Variants in SMG6 observed in about 807,000 individuals in gnomAD.
SMG6 encodes telomerase-binding protein EST1A.
SMG6 carries 66 observed loss-of-function variants against 142.2 expected under a neutral mutation model. That is an observed-to-expected ratio of 0.46 (90% CI 0.38 to 0.57). SMG6 has a LOEUF of 0.57. SMG6 is among the 20% of genes least tolerant of loss of function. The pLI, the probability that SMG6 is intolerant of heterozygous loss-of-function variation, is 0.00. For synonymous variants in SMG6, 779 were observed against 702.4 expected (o/e 1.11, Z -1.72); for missense variants, 1,793 against 1,832.0 (o/e 0.98, Z 0.39).
chr17:2,263,070 G>A (rs1490218773), intron 8 of SMG6, among the ~76,000 whole-genome samples: 2 of 152,036 alleles, frequency 1.3e-5, no homozygotes, highest in Non-Finnish European at 2.9e-5. Flanking sequence ...AGATAAAGAG[G>A]TCACCAAACA....
chr17:2,104,966 G>C (rs530171679), intron 13 of SMG6, among the ~76,000 whole-genome samples: 1 of 152,052 alleles, frequency 6.6e-6, no homozygotes, highest in South Asian at 2.1e-4. Flanking sequence ...TGCCCAGGCT[G>C]AGTGCAATGG....
intron 13 of SMG6, among the ~76,000 whole-genome samples, chr17:2,098,625 C>T (rs1314668509): frequency 6.6e-6 from 1 of 152,088 alleles, no homozygotes; most frequent in Non-Finnish European, 1.5e-5. Flanking sequence ...GTTTATGTTA[C>T]ATACTTTTTG....
chr17:2,209,244 C>T (rs1323848461), intron 10 of SMG6, among the ~76,000 whole-genome samples: 1 of 152,140 alleles, frequency 6.6e-6, no homozygotes, highest in Non-Finnish European at 1.5e-5. Flanking sequence ...TGGAGTCTCC[C>T]CTCTACTGCC....
intron 13 of SMG6, among the ~76,000 whole-genome samples, chr17:2,098,482 C>CT (rs916632167): frequency 6.6e-6 from 1 of 152,170 alleles, no homozygotes. Flanking sequence ...GTGTGGCTGA[C>CT]TTTTTGGACC....
chr17:2,254,892 T>A (rs984570971), intron 8 of SMG6, among the ~76,000 whole-genome samples: 1 of 152,122 alleles, frequency 6.6e-6, no homozygotes, highest in Admixed American at 6.6e-5. Flanking sequence ...AGAGATATCC[T>A]CTCAGAGGAA....
At chr17:2,062,979 G>A (rs1241020074) in intron 18 of SMG6, 7 of 152,706 alleles carry the variant, frequency 4.6e-5, no homozygotes, top group Admixed American at 3.9e-4. Flanking sequence ...CCTCGGGTGA[G>A]GGGATACTCA....
intron 10 of SMG6, among the ~76,000 whole-genome samples, chr17:2,194,612 C>T (rs1205467234): frequency 6.6e-6 from 1 of 151,520 alleles, no homozygotes; most frequent in Non-Finnish European, 1.5e-5. Flanking sequence ...CTTTGGGATG[C>T]TGAGGCAGGA....
At chr17:2,255,297 G>A (rs927303332) in intron 8 of SMG6, among the ~76,000 whole-genome samples, 3 of 147,836 alleles carry the variant, frequency 2.0e-5, no homozygotes, top group South Asian at 4.3e-4. Context: ...CCAGCTACTC[G>A]GGAGGCTGAG....
chr17:2,247,488 T>C (rs936403668), intron 8 of SMG6, among the ~76,000 whole-genome samples: 1 of 152,208 alleles, frequency 6.6e-6, no homozygotes, highest in Non-Finnish European at 1.5e-5. Flanking sequence ...ACTGGTTATA[T>C]ATAAAGGTTA....
At chr17:2,248,037 C>T (rs1344691591) in intron 8 of SMG6, among the ~76,000 whole-genome samples, 6 of 151,574 alleles carry the variant, frequency 4.0e-5, no homozygotes, top group African/African-American at 9.7e-5. Flanking sequence ...ACCTGGGAGG[C>T]GGAGGCTGCA....
At chr17:2,127,553 T>C (rs2069939944) in intron 13 of SMG6, 3 of 596,174 alleles carry the variant, frequency 5.0e-6, no homozygotes, top group Admixed American at 3.8e-5. Context: ...TCAGTTTCTA[T>C]CTTCCTATCT....
chr17:2,119,720 G>A (rs1196846628), intron 13 of SMG6, among the ~76,000 whole-genome samples: 3 of 152,082 alleles, frequency 2.0e-5, no homozygotes, highest in Non-Finnish European at 4.4e-5. Context: ...GGAGTGCAGT[G>A]GCGTGATCTC....
Position 2,105,498 on chromosome 17 carries a change from G to A in SMG6, c.3358-19597C>T, listed in dbSNP as rs536314397. Among the ~76,000 whole-genome samples, 20 of 152,152 alleles carry A rather than the reference G, an allele frequency of 1.3e-4. No homozygotes were observed. In the East Asian group the frequency reaches 1.9e-3, roughly 15 times the overall value. ...GCGGAGAGTGCAGTGAGCCAAGACC[G>A]CGCCACTGCACTCCAGCCTGAGCAA... On this transcript the variant is annotated intron_variant, in intron 13 of 18. Coordinates refer to ENST00000263073, the MANE Select transcript of SMG6 (RefSeq NM_017575.5).
chr17:2,088,332 G>A (rs1171573452), intron 13 of SMG6: 5 of 985,312 alleles, frequency 5.1e-6, no homozygotes, highest in Non-Finnish European at 6.0e-6. Context: ...AGGACCCAGG[G>A]ATGTGGACAT....
intron 13 of SMG6, among the ~76,000 whole-genome samples, chr17:2,128,443 C>T (rs1334664025): frequency 6.6e-6 from 1 of 152,150 alleles, no homozygotes; most frequent in Non-Finnish European, 1.5e-5. Context: ...TGGTACTGGA[C>T]AGGATGGCTC....
rs1457407982 is a variant in SMG6, at chr17:2,292,854, A to G, written c.2258+17T>C. The G allele has an allele frequency of 6.2e-7, 1 of 1,605,364 alleles. No individual in the cohort carries two copies. The highest frequency in any genetic ancestry group is 8.5e-7 in the Non-Finnish European group (1 of 1,172,010). ...GCCACATAGGGAAGAGAAATAACGAAGCAGAGGTAAAAGTACCTGCGTGCT... is the reference window on the plus strand; with the variant it reads ...GCCACATAGGGAAGAGAAATAACGAGGCAGAGGTAAAAGTACCTGCGTGCT... On this transcript the variant is annotated intron_variant, in intron 5 of 18. Coordinates refer to ENST00000263073, the MANE Select transcript of SMG6 (RefSeq NM_017575.5).
chr17:2,222,549 C>T (rs1043304787), intron 10 of SMG6, among the ~76,000 whole-genome samples: 2 of 7,498 alleles, frequency 2.7e-4, no homozygotes, highest in Non-Finnish European at 5.9e-4. Flanking sequence ...AATGCGGGGG[C>T]GGGGGGGGGG....
At chr17:2,073,708 CAAAA>C (rs1309950009) in intron 15 of SMG6, among the ~76,000 whole-genome samples, 1 of 70,270 alleles carries the variant, frequency 1.4e-5, no homozygotes. Flanking sequence ...GACTCCGTCT[CAAAA>C]AAAAAAAAAA....
chr17:2,236,721 AC>A (rs2073670044), intron 9 of SMG6, 84 bp from the exon 10 acceptor site: 1 of 1,250,854 alleles, frequency 8.0e-7, no homozygotes, highest in African/African-American at 1.5e-5. Context: ...ACACACACAC[AC>A]ACACACACAC....
Sources: gnomAD v4.1 joint callset for allele counts (sites outside exome capture counted in the v4.1 genomes callset) on GRCh38, gnomAD v4.1.1 for gene constraint, MANE v1.5 for transcripts, NCBI Gene and HGNC (gene_info 2026-07-23, HGNC 2026-07-21) for gene names.